The following PLCXD3 variants were observed in gnomAD, a reference collection of about 807,000 sequenced individuals.
PLCXD3 encodes phosphatidylinositol specific phospholipase C X domain containing 3, also known as PI-PLC X domain-containing protein 3.
A neutral mutation model predicts 25.5 loss-of-function variants in PLCXD3; 19 were observed. That is an observed-to-expected ratio of 0.75 (90% CI 0.52 to 1.09). PLCXD3 has a LOEUF of 1.09. Among genes scored for constraint, PLCXD3 ranks in the 50% least tolerant of loss-of-function variants. The probability of loss-of-function intolerance (pLI) is 0.00; values close to 1 mark genes in which losing one functional copy is unlikely to be tolerated. For missense variants in PLCXD3, 411 were observed against 388.1 expected (o/e 1.06, Z -0.50); for synonymous variants, 174 against 137.6 (o/e 1.26, Z -1.85).
intron 1 of PLCXD3, among the ~76,000 whole-genome samples, chr5:41,412,487 T>A (rs1746582564): frequency 6.6e-6 from 1 of 152,210 alleles, no homozygotes; most frequent in African/African-American, 2.4e-5. Context: ...TATTTCTTCC[T>A]GTCTTTTCTC....
intron 2 of PLCXD3, among the ~76,000 whole-genome samples, chr5:41,370,415 A>G (rs554070400): frequency 4.4e-4 from 67 of 152,314 alleles, no homozygotes; most frequent in Non-Finnish European, 8.5e-4. Flanking sequence ...CTGTTGTTAC[A>G]CTGAAAATAT....
chr5:41,395,656 C>T (rs1032046266), intron 1 of PLCXD3, among the ~76,000 whole-genome samples: 9 of 151,988 alleles, frequency 5.9e-5, no homozygotes, highest in Admixed American at 4.6e-4. Context: ...TTCAAAGGCT[C>T]ATTAGCAGCT....
At chr5:41,475,347 A>G (rs1454639197) in intron 1 of PLCXD3, among the ~76,000 whole-genome samples, 1 of 152,112 alleles carries the variant, frequency 6.6e-6, no homozygotes, top group Non-Finnish European at 1.5e-5. Context: ...TCAAGTCCCT[A>G]TAGGACCCTA....
chr5:41,323,907 T>G (rs1417647932), intron 2 of PLCXD3, among the ~76,000 whole-genome samples: 1 of 152,168 alleles, frequency 6.6e-6, no homozygotes, highest in African/African-American at 2.4e-5. Context: ...GCAAGCATGA[T>G]AAGTTCAGTC....
chr5:41,488,171 G>A (rs946011187), intron 1 of PLCXD3, among the ~76,000 whole-genome samples: 11 of 150,058 alleles, frequency 7.3e-5, no homozygotes, highest in Middle Eastern at 3.2e-3. Context: ...GAGAATATGC[G>A]GTGTTTGTTT....
At chr5:41,416,089 T>C (rs1039292234) in intron 1 of PLCXD3, among the ~76,000 whole-genome samples, 6 of 152,022 alleles carry the variant, frequency 3.9e-5, no homozygotes, top group African/African-American at 1.4e-4. Flanking sequence ...AAGAGGGAGA[T>C]TAGGAGGAAT....
chr5:41,463,993 T>C (rs1747952662), intron 1 of PLCXD3, among the ~76,000 whole-genome samples: 1 of 152,096 alleles, frequency 6.6e-6, no homozygotes, highest in Non-Finnish European at 1.5e-5. Flanking sequence ...CAGGCATTAC[T>C]AGACACTTTC....
At chr5:41,437,711 C>T (rs894360862) in intron 1 of PLCXD3, among the ~76,000 whole-genome samples, 10 of 152,124 alleles carry the variant, frequency 6.6e-5, no homozygotes, top group East Asian at 3.9e-4. Context: ...ATGTCTGGTA[C>T]GTACTGGCAA....
chr5:41,446,563 T>A (rs1250860002), intron 1 of PLCXD3, among the ~76,000 whole-genome samples: 1 of 151,586 alleles, frequency 6.6e-6, no homozygotes, highest in Non-Finnish European at 1.5e-5. Context: ...TTTTCATGTC[T>A]ATATTTCACA....
chr5:41,336,217 A>G (rs1743975341), intron 2 of PLCXD3, among the ~76,000 whole-genome samples: 1 of 152,188 alleles, frequency 6.6e-6, no homozygotes, highest in Non-Finnish European at 1.5e-5. Flanking sequence ...ATAAAATGAA[A>G]CAATACATTA....
At chr5:41,354,713 C>G (rs1220648896) in intron 2 of PLCXD3, among the ~76,000 whole-genome samples, 1 of 152,100 alleles carries the variant, frequency 6.6e-6, no homozygotes. Context: ...TTTGGTTTCC[C>G]TACCTGTAAT....
intron 2 of PLCXD3, among the ~76,000 whole-genome samples, chr5:41,360,092 G>A (rs142372228): frequency 2.0e-5 from 3 of 151,910 alleles, no homozygotes; most frequent in African/African-American, 4.8e-5. Flanking sequence ...CCTTGTCTTC[G>A]AGCTCTGAAA....
intron 1 of PLCXD3, among the ~76,000 whole-genome samples, chr5:41,427,528 G>A (rs544234056): frequency 3.3e-5 from 5 of 152,250 alleles, no homozygotes; most frequent in African/African-American, 7.2e-5. Context: ...GTACACTTAT[G>A]TGAATGTCTG....
intron 1 of PLCXD3, among the ~76,000 whole-genome samples, chr5:41,436,022 G>C (rs1160667662): frequency 6.6e-6 from 1 of 152,154 alleles, no homozygotes; most frequent in Non-Finnish European, 1.5e-5. Context: ...GAGGTTATTA[G>C]TGTATCCTCT....
Position 41,494,120 on chromosome 5 carries a change from A to G in PLCXD3, c.103+16304T>C, listed in dbSNP as rs222791. Among the ~76,000 whole-genome samples the G allele has an allele frequency of 3.6e-3, 553 of 152,350 alleles. 4 individuals are homozygous for G. The highest frequency in any genetic ancestry group is 0.013 in the African/African-American group (527 of 41,590). On this transcript the variant is annotated intron_variant, in intron 1 of 2. Coordinates refer to ENST00000377801, the MANE Select transcript of PLCXD3 (RefSeq NM_001005473.3). ...TATTTTTTACTTATTTATTGTTAAG[A>G]CAGGGTCTTGCTCTAATGCCCAGGC...
intron 2 of PLCXD3, among the ~76,000 whole-genome samples, chr5:41,325,550 C>T (rs2150471627): frequency 6.6e-6 from 1 of 152,282 alleles, no homozygotes; most frequent in East Asian, 1.9e-4. Context: ...GTTTATATAT[C>T]TGTGCTTTAC....
intron 1 of PLCXD3, among the ~76,000 whole-genome samples, chr5:41,485,307 C>G (rs1257105231): frequency 6.6e-6 from 1 of 152,124 alleles, no homozygotes; most frequent in Non-Finnish European, 1.5e-5. Context: ...TGGAAGATAG[C>G]CATAAGCCTC....
intron 1 of PLCXD3, among the ~76,000 whole-genome samples, chr5:41,457,919 C>T (rs970080550): frequency 1.3e-5 from 2 of 151,858 alleles, no homozygotes; most frequent in African/African-American, 4.8e-5. Flanking sequence ...AGTCATAGAG[C>T]ACAGAAATAC....
chr5:41,447,411 GTTTTCATGTTA>G (rs1747528423), intron 1 of PLCXD3, among the ~76,000 whole-genome samples: 1 of 152,160 alleles, frequency 6.6e-6, no homozygotes, highest in Non-Finnish European at 1.5e-5. Context: ...AAAATGTTAG[GTTTTCATGTTA>G]TTTTCAATAT....
Sources: gnomAD v4.1 joint callset for allele counts (sites outside exome capture counted in the v4.1 genomes callset) on GRCh38, gnomAD v4.1.1 for gene constraint, MANE v1.5 for transcripts, NCBI Gene and HGNC (gene_info 2026-07-23, HGNC 2026-07-21) for gene names.